DAPK1: variants seen among roughly 807,000 people sequenced by gnomAD.
DAPK1 encodes death associated protein kinase 1.
In DAPK1, 56 loss-of-function variants were observed where a neutral mutation model predicts 144.9. The observed-to-expected ratio is 0.39, with a 90% CI of 0.31 to 0.48. The LOEUF (loss-of-function observed/expected upper bound fraction) is 0.48, where lower values mean the gene tolerates loss of function less well. Ranked by LOEUF, DAPK1 falls within the 20% of genes least tolerant of loss-of-function variation. DAPK1 has a pLI of 0.95. For missense variants in DAPK1, 1,454 were observed against 1,875.4 expected (o/e 0.78, Z 4.15); for synonymous variants, 690 against 749.0 (o/e 0.92, Z 1.29).
At chr9:87,684,338 G>A (rs1242024709) in intron 20 of DAPK1, among the ~76,000 whole-genome samples, 3 of 151,722 alleles carry the variant, frequency 2.0e-5, no homozygotes, top group African/African-American at 4.8e-5. Context: ...CTGGCAGGCC[G>A]TGCTGGGGTC....
chr9:87,572,337 C>T (rs932037434), intron 2 of DAPK1, among the ~76,000 whole-genome samples: 1 of 152,172 alleles, frequency 6.6e-6, no homozygotes, highest in African/African-American at 2.4e-5. Flanking sequence ...ATTATATTCT[C>T]CTTGAAGTCG....
chr9:87,548,571 C>CCAA (rs1243952171), intron 2 of DAPK1, among the ~76,000 whole-genome samples: 1 of 152,176 alleles, frequency 6.6e-6, no homozygotes, highest in Non-Finnish European at 1.5e-5. Context: ...ACTGGATTCC[C>CCAA]CAACAACAAC....
chr9:87,498,964 C>G lies in DAPK1; in HGVS notation c.-108-6C>G, dbSNP rs1410704180. On this transcript the variant is annotated splice_polypyrimidine_tract_variant and splice_region_variant and intron_variant, in intron 1 of 25. Transcript: ENST00000408954. Reference sequence around the variant, plus strand: ...ATTATTATTGCCTTTTTTTTTTCTTCAAAAGGACTGGAGACTGATGCATGA... The same window carrying G: ...ATTATTATTGCCTTTTTTTTTTCTTGAAAAGGACTGGAGACTGATGCATGA... 1.4e-6 allele frequency: 1 copy of G among 739,410 alleles called. No individual in the cohort carries two copies. Among genetic ancestry groups the G allele is most frequent in the Non-Finnish European group, 2.3e-6 (1 of 433,592 alleles). 45.8% of individuals were successfully genotyped at this position (739,410 alleles called of 1,614,324 possible).
intron 2 of DAPK1, among the ~76,000 whole-genome samples, chr9:87,559,280 A>ATAGGCTAGGG (rs145222252): frequency 0.085 from 12,906 of 151,262 alleles, 1,824 homozygotes; most frequent in African/African-American, 0.29. Flanking sequence ...TTATTACAGG[A>ATAGGCTAGGG]TAGGCTAGGG....
intron 2 of DAPK1, among the ~76,000 whole-genome samples, chr9:87,567,184 C>T (rs36233185): frequency 6.6e-6 from 1 of 152,314 alleles, no homozygotes; most frequent in East Asian, 1.9e-4. Flanking sequence ...TTTAGAAATG[C>T]TTGGCCTCTC....
intron 3 of DAPK1, among the ~76,000 whole-genome samples, chr9:87,605,959 A>T (rs1346167667): frequency 1.3e-5 from 2 of 152,120 alleles, no homozygotes; most frequent in African/African-American, 4.8e-5. Context: ...TGGAGGCGAG[A>T]TGTGAGTGCC....
chr9:87,654,791 C>T (rs36214389), intron 17 of DAPK1, among the ~76,000 whole-genome samples: 3,490 of 152,240 alleles, frequency 0.023, 149 homozygotes, highest in African/African-American at 0.079. Flanking sequence ...AATCAGCTCT[C>T]CCCTTGTGAG....
In DAPK1 at chr9:87,498,994, GC is replaced by G; in HGVS notation, c.-83del. The G allele has an allele frequency of 9.4e-7, 1 of 1,062,070 alleles. No homozygotes were observed. Among genetic ancestry groups the G allele is most frequent in the Non-Finnish European group, 1.5e-6 (1 of 680,942 alleles). 65.8% of individuals were successfully genotyped at this position (1,062,070 alleles called of 1,614,324 possible). A position where few individuals can be genotyped will look rare whatever the true frequency, so the allele number is the denominator to read the frequency against. ...GGACTGGAGACTGATGCATGAGGGG[GC>G]TACGGAGGCGCAGGAGCGGTGGTGA... On this transcript the variant is annotated 5_prime_UTR_variant, in exon 2 of 26. An upstream open reading frame in the 5' UTR loses its in-frame stop. Transcript: ENST00000408954.
At position 87,662,570 on chromosome 9, in the gene DAPK1, T is replaced by TTTG. The variant is rs1554700260; in HGVS notation, c.1923+4445_1923+4446insGTT. On this transcript the variant is annotated intron_variant, in intron 18 of 25. Transcript: ENST00000408954. ...TTAAATATATTCCTAGTTTTTTTTT[T>TTTG]TTTTTTTTTTTTTTTGGTAGCTATT... Among the ~76,000 whole-genome samples, 70 of 135,838 alleles carry TTTG rather than the reference T, an allele frequency of 5.2e-4. 1 individual carries two copies. Among genetic ancestry groups the TTTG allele is most frequent in the African/African-American group, 1.9e-3 (68 of 36,232 alleles). The allele number at this position is 135,838 out of a possible 152,430, so 89.1% of individuals were successfully genotyped here. A position where few individuals can be genotyped will look rare whatever the true frequency, so the allele number is the denominator to read the frequency against.
intron 2 of DAPK1, among the ~76,000 whole-genome samples, chr9:87,522,096 G>A (rs963566952): frequency 6.6e-6 from 1 of 152,152 alleles, no homozygotes; most frequent in African/African-American, 2.4e-5. Flanking sequence ...CCAGGACCAC[G>A]AGCTGAATAA....
intron 2 of DAPK1, among the ~76,000 whole-genome samples, chr9:87,600,402 C>T (rs1397380060): frequency 6.6e-6 from 1 of 152,028 alleles, no homozygotes; most frequent in Admixed American, 6.6e-5. Flanking sequence ...GCCTAGGCAA[C>T]AGAGCGAGAC....
chr9:87,540,652 G>A lies in DAPK1; in HGVS notation c.62+41513G>A, dbSNP rs886797011. Among the ~76,000 whole-genome samples, 13 of 152,182 alleles carry A rather than the reference G, an allele frequency of 8.5e-5. No individual in the cohort carries two copies. The South Asian group carries it at 1.0e-3, about 12-fold the overall frequency. ...TCCCCTGTGAGTAAAGGGGAACTAC[G>A]AGGTAACCTTTTCCTGAAAGCTGTG... is the stretch of plus-strand genomic sequence containing the variant. On this transcript the variant is annotated intron_variant, in intron 2 of 25. Transcript: ENST00000408954.
At chr9:87,580,015 G>C (rs1827696457) in intron 2 of DAPK1, among the ~76,000 whole-genome samples, 1 of 152,182 alleles carries the variant, frequency 6.6e-6, no homozygotes, top group South Asian at 2.1e-4. Context: ...GGTATATAGA[G>C]AATGCTGTTT....
At chr9:87,539,274 CAT>C (rs1394066484) in intron 2 of DAPK1, among the ~76,000 whole-genome samples, 21 of 152,102 alleles carry the variant, frequency 1.4e-4, no homozygotes, top group Admixed American at 1.4e-3. Context: ...TAGTTTAAGA[CAT>C]GGGTTTTATG....
At chr9:87,590,321 C>T (rs537493803) in intron 2 of DAPK1, among the ~76,000 whole-genome samples, 26 of 150,596 alleles carry the variant, frequency 1.7e-4, no homozygotes, top group Non-Finnish European at 3.4e-4. Context: ...TTTGGTTCCA[C>T]CTTAACAGTG....
At chr9:87,694,428 C>T (rs1397162646) in intron 21 of DAPK1, among the ~76,000 whole-genome samples, 1 of 152,166 alleles carries the variant, frequency 6.6e-6, no homozygotes, top group African/African-American at 2.4e-5. Context: ...GGCCTGTCGT[C>T]AGGTCCCCTG....
At chr9:87,534,650 C>CTTTTTTT (rs546312068) in intron 2 of DAPK1, among the ~76,000 whole-genome samples, 1 of 145,396 alleles carries the variant, frequency 6.9e-6, no homozygotes, top group African/African-American at 2.5e-5. Flanking sequence ...GATTTCTTTT[C>CTTTTTTT]TTTTTTTTTT....
chr9:87,507,921 G>T (rs905338237), intron 2 of DAPK1, among the ~76,000 whole-genome samples: 14 of 152,160 alleles, frequency 9.2e-5, no homozygotes, highest in Non-Finnish European at 1.9e-4. Flanking sequence ...AAGTGCAGTT[G>T]ATATTATAAA....
chr9:87,633,234 G>A, intron 3 of DAPK1: 1 of 984,448 alleles, frequency 1.0e-6, no homozygotes, highest in Non-Finnish European at 1.2e-6. Context: ...TAGGGATGAA[G>A]GAATATGAGT....
Sources: allele counts gnomAD v4.1 joint callset (sites outside exome capture counted in the v4.1 genomes callset), GRCh38; gene constraint gnomAD v4.1.1; transcripts MANE v1.5; gene names NCBI Gene and HGNC (gene_info 2026-07-23, HGNC 2026-07-21).